The following BPIFB4 variants were observed in gnomAD, a reference collection of about 807,000 sequenced individuals.
The protein encoded by BPIFB4 is BPI fold containing family B member 4, also known as BPI fold-containing family B member 4.
In BPIFB4, 62 loss-of-function variants were observed where a neutral mutation model predicts 69.2. The ratio of observed to expected loss-of-function variants is 0.90; its 90% confidence interval spans 0.73 to 1.11. The LOEUF (loss-of-function observed/expected upper bound fraction) is 1.11, where lower values mean the gene tolerates loss of function less well. Ranked by LOEUF, BPIFB4 falls within the 50% of genes least tolerant of loss-of-function variation. The pLI is 0.00. For synonymous variants in BPIFB4, 330 were observed against 332.7 expected (o/e 0.99, Z 0.09); for missense variants, 789 against 792.0 (o/e 1.00, Z 0.04).
At position 33,083,538 on chromosome 20, in the gene BPIFB4, G is replaced by A; in HGVS notation, c.341G>A (p.Ser114Asn). 1 of 1,614,074 alleles carries A rather than the reference G, an allele frequency of 6.2e-7. No homozygotes were observed. The highest frequency in any genetic ancestry group is 8.5e-7 in the Non-Finnish European group (1 of 1,179,980). Residue 114 changes from serine (S) to asparagine (N), a missense_variant, in exon 5 of 18, where the codon AGC (serine) becomes AAC (asparagine). Ser to Asn is a conservative substitution (Grantham distance 46). Coordinates refer to ENST00000375483, the MANE Select transcript of BPIFB4 (RefSeq NM_182519.3). The part of the protein sequence containing the change: ...RYGEILESEG[S>N]IRDLRNSGYR... ...GGTGAGATCCTTGAGTCCGAGGGAA[G>A]CATCAGGGACCTCCGAAACAGTGGC...
rs746328825 is a variant in BPIFB4 at position 33,107,788 on chromosome 20, G to A, written c.1789G>A (p.Asp597Asn). Residue 597 changes from aspartate (D) to asparagine (N), a missense_variant, in exon 17 of 18, where the codon GAC becomes AAC. Transcript: ENST00000375483. ...GVPLPKILNI[D>N]FSNADIDVLE... ...CCCTCTCCCCAAAATCCTCAACATC[G>A]ACTTTAGCAATGCAGACATTGACGT... 23 of 1,613,876 alleles carry A rather than the reference G, an allele frequency of 1.4e-5. No individual in the cohort carries two copies. Among genetic ancestry groups the A allele is most frequent in the South Asian group, 1.3e-4 (12 of 91,054 alleles).
At chr20:33,105,623 C>T (rs890697375) in intron 16 of BPIFB4, among the ~76,000 whole-genome samples, 8 of 152,234 alleles carry the variant, frequency 5.3e-5, no homozygotes, top group African/African-American at 1.7e-4. Context: ...CTCTCCCACT[C>T]CTGCTTCCTG....
At chr20:33,081,455 T>C (rs1981225517) in intron 2 of BPIFB4, 57 bp from the exon 3 acceptor site, 1 of 1,537,238 alleles carries the variant, frequency 6.5e-7, no homozygotes, top group Non-Finnish European at 8.8e-7. Flanking sequence ...TAGTGCTACC[T>C]GCTGGCCAGG....
At chr20:33,083,330 C>A (rs751103347) in intron 4 of BPIFB4, 37 bp from the exon 5 acceptor site, 3 of 1,589,450 alleles carry the variant, frequency 1.9e-6, no homozygotes, top group Non-Finnish European at 2.6e-6. Flanking sequence ...TGGCCGACAC[C>A]ATTACAATGA....
chr20:33,089,437 G>T, intron 8 of BPIFB4, 61 bp from the exon 9 acceptor site: 1 of 1,611,602 alleles, frequency 6.2e-7, no homozygotes, highest in Non-Finnish European at 8.5e-7. Context: ...TTGCGTCCCC[G>T]ACTCCCTTGC....
chr20:33,086,551 CCA>C (rs1461990991), intron 7 of BPIFB4, among the ~76,000 whole-genome samples: 1 of 152,174 alleles, frequency 6.6e-6, no homozygotes, highest in Non-Finnish European at 1.5e-5. Context: ...TCTCTGAGCT[CCA>C]GTTTCCTCCT....
At chr20:33,108,070 T>A (rs1197800494) in intron 17 of BPIFB4, among the ~76,000 whole-genome samples, 1 of 152,212 alleles carries the variant, frequency 6.6e-6, no homozygotes, top group Admixed American at 6.5e-5. Context: ...ATCTTACAGA[T>A]GTGAGAACTG....
chr20:33,107,407 A>C (rs1347336164), intron 16 of BPIFB4, among the ~76,000 whole-genome samples: 1 of 152,194 alleles, frequency 6.6e-6, no homozygotes, highest in Non-Finnish European at 1.5e-5. Context: ...AGCCTGGCCA[A>C]CATAGTGAAA....
At chr20:33,098,196 A>G (rs1352876882) in intron 13 of BPIFB4, among the ~76,000 whole-genome samples, 1 of 152,120 alleles carries the variant, frequency 6.6e-6, no homozygotes. Context: ...TGCCTGACAT[A>G]CCCTAAAGGC....
intron 7 of BPIFB4, among the ~76,000 whole-genome samples, chr20:33,086,465 G>A (rs972503315): frequency 6.6e-6 from 1 of 152,192 alleles, no homozygotes; most frequent in Non-Finnish European, 1.5e-5. Flanking sequence ...TGATCTGAAT[G>A]GTCAGGAGCA....
intron 13 of BPIFB4, among the ~76,000 whole-genome samples, chr20:33,098,477 G>A (rs1203606949): frequency 6.6e-6 from 1 of 152,134 alleles, no homozygotes; most frequent in Non-Finnish European, 1.5e-5. Context: ...AGGCATGGTG[G>A]CTCACACTTG....
At chr20:33,085,930 G>A (rs1464989804) in intron 6 of BPIFB4, 91 bp from the exon 7 acceptor site, 1 of 1,455,098 alleles carries the variant, frequency 6.9e-7, no homozygotes, top group Admixed American at 1.7e-5. Context: ...CGTAGCAGAT[G>A]GCAGGGACAG....
intron 12 of BPIFB4, 88 bp downstream of exon 12, chr20:33,095,241 TG>T: frequency 7.2e-7 from 1 of 1,380,890 alleles, no homozygotes; most frequent in Non-Finnish European, 1.0e-6. Flanking sequence ...TGCTCAGCGC[TG>T]GGGTGGGGTG....
In BPIFB4 at chr20:33,083,847, T is replaced by A. The variant is rs372890983; in HGVS notation, c.650T>A (p.Ile217Asn). The change falls in exon 5 of 18, where the codon ATC becomes AAC. Residue 217 changes from isoleucine (I) to asparagine (N), a missense_variant. Physicochemically the swap from Ile to Asn is moderately radical, Grantham distance 149. This residue lies in a region of BPIFB4 where 611 missense variants were observed against 575.4 expected (regional missense o/e 1.06). Transcript: ENST00000375483. ...CTGGGCGTGCTCGGCGAGGGTGGCA[T>A]CCTCAGCACTGTGCAAGGCATCACG... Reference protein sequence around the residue: ...GVLGVLGEGGILSTVQGITGL... With the variant: ...GVLGVLGEGGNLSTVQGITGL... 26 of 1,612,952 alleles carry A rather than the reference T, an allele frequency of 1.6e-5. No individual in the cohort carries two copies. Among genetic ancestry groups the A allele is most frequent in the Non-Finnish European group, 1.9e-5 (22 of 1,179,754 alleles).
At chr20:33,110,244 C>G (rs1982196608) in intron 17 of BPIFB4, among the ~76,000 whole-genome samples, 1 of 152,200 alleles carries the variant, frequency 6.6e-6, no homozygotes, top group Admixed American at 6.5e-5. Flanking sequence ...GTTTCATAAC[C>G]TTGACATTTC....
In BPIFB4 at chr20:33,084,892, G is replaced by T. The variant is rs1267102025; in HGVS notation, c.678G>T (p.Gly226=). The change falls in exon 6 of 18, where the codon GGG becomes GGT. Residue 226 remains glycine, a splice_region_variant and synonymous_variant. Transcript: ENST00000375483. ...TCTCACCACTCTGTGTCCCGAGCAG[G>T]CTGCGTATCGTGGAGCTGACCCTCC... ...GILSTVQGIT[G]LRIVELTLPR... is the part of the protein sequence containing the mutation. 3.7e-6 allele frequency: 6 copies of T among 1,606,392 alleles called. No homozygotes were observed. The highest frequency in any genetic ancestry group is 5.1e-6 in the Non-Finnish European group (6 of 1,179,754).
chr20:33,089,090 T>C (rs1981521201), intron 8 of BPIFB4, 61 bp downstream of exon 8: 2 of 1,610,604 alleles, frequency 1.2e-6, no homozygotes, highest in South Asian at 1.1e-5. Flanking sequence ...TGAGGGGCCA[T>C]AGTCCAGCCT....
chr20:33,106,369 T>C (rs1172640561), intron 16 of BPIFB4, among the ~76,000 whole-genome samples: 1 of 113,966 alleles, frequency 8.8e-6, no homozygotes, highest in Non-Finnish European at 2.0e-5. Flanking sequence ...ACACAGCTCT[T>C]TTCTTTCTTT....
chr20:33,083,507 C>T lies in BPIFB4; in HGVS notation c.310C>T (p.Arg104Ter), dbSNP rs145595027. 4.0e-5 allele frequency: 64 copies of T among 1,613,950 alleles called. No homozygotes were observed. The highest frequency in any genetic ancestry group is 1.7e-4 in the African/African-American group (13 of 74,946). ...CACTGCTCAGCTGGGGGGCAAATAC[C>T]GATATGGTGAGATCCTTGAGTCCGA... ...DNTAQLGGKY[R>*]YGEILESEGS... The change falls in exon 5 of 18, where the codon CGA becomes TGA. Residue 104 changes from arginine to a stop codon, truncating the protein, a stop_gained. Coordinates refer to ENST00000375483, the MANE Select transcript of BPIFB4 (RefSeq NM_182519.3). LOFTEE classifies it high-confidence loss of function.
Sources: allele counts gnomAD v4.1 joint callset (sites outside exome capture counted in the v4.1 genomes callset), GRCh38; gene constraint gnomAD v4.1.1; regional missense constraint gnomAD v4.1.1; transcripts MANE v1.5; gene names NCBI Gene and HGNC (gene_info 2026-07-23, HGNC 2026-07-21).